Variants in LRP1-AS observed in about 807,000 individuals in gnomAD.
LRP1-AS encodes the protein LRP1 antisense RNA.
chr12:57,145,648 G>T (rs2035390516), intron 1 of LRP1-AS, among the ~76,000 whole-genome samples: 1 of 152,158 alleles, frequency 6.6e-6, no homozygotes, highest in Non-Finnish European at 1.5e-5. Context: ...TGAGGCAGGG[G>T]CAGAGCCACC....
chr12:57,147,173 G>T (rs75505823), intron 1 of LRP1-AS, among the ~76,000 whole-genome samples: 6,169 of 151,752 alleles, frequency 0.041, 178 homozygotes, highest in Non-Finnish European at 0.061. Flanking sequence ...AAATGCTTGT[G>T]GGGTAAATGA....
exon 2 of LRP1-AS, chr12:57,144,921 G>T: frequency 6.3e-7 from 1 of 1,583,610 alleles, no homozygotes. Context: ...CACCCACTTC[G>T]TTGCCCTTGT....
chr12:57,147,224 C>A (rs1431127048), intron 1 of LRP1-AS, among the ~76,000 whole-genome samples: 1 of 152,114 alleles, frequency 6.6e-6, no homozygotes, highest in Non-Finnish European at 1.5e-5. Flanking sequence ...TTCCTCCCTG[C>A]CCTCCCCCTG....
At chr12:57,144,851 T>G (rs1358212051) in exon 2 of LRP1-AS, 6 of 980,046 alleles carry the variant, frequency 6.1e-6, no homozygotes, top group Non-Finnish European at 4.8e-6. Flanking sequence ...TGTAATAGAT[T>G]CTGCCGAACT....
intron 1 of LRP1-AS, among the ~76,000 whole-genome samples, chr12:57,145,925 A>C (rs2035396750): frequency 6.6e-6 from 1 of 152,136 alleles, no homozygotes; most frequent in Non-Finnish European, 1.5e-5. Flanking sequence ...TCCATGGGCC[A>C]TCGTTTCCCT....
intron 1 of LRP1-AS, chr12:57,145,507 C>A: frequency 6.2e-7 from 1 of 1,610,168 alleles, no homozygotes; most frequent in Non-Finnish European, 8.5e-7. Context: ...CACCTGCTCT[C>A]AGCTTGGAGG....
At chr12:57,145,955 A>G (rs921474110) in intron 1 of LRP1-AS, among the ~76,000 whole-genome samples, 1 of 150,290 alleles carries the variant, frequency 6.7e-6, no homozygotes, top group African/African-American at 2.5e-5. Context: ...TTGCCAATGG[A>G]CTCTCTGCTG....
chr12:57,145,434 C>G (rs948055550), intron 1 of LRP1-AS: 1 of 1,614,026 alleles, frequency 6.2e-7, no homozygotes, highest in African/African-American at 1.3e-5. Context: ...GCCCGCATGC[C>G]TGGCCTAAAG....
At chr12:57,145,091 G>T in intron 1 of LRP1-AS, 1 of 1,613,846 alleles carries the variant, frequency 6.2e-7, no homozygotes, top group Non-Finnish European at 8.5e-7. Flanking sequence ...CTCCTGCAAG[G>T]CCAAGAACGG....
rs914439777 is a variant in LRP1-AS, at chr12:57,144,774, C to T, written n.491G>A. 5.2e-5 allele frequency: 32 copies of T among 613,490 alleles called. No homozygotes were observed. The Admixed American group carries it at 6.0e-4, about 12-fold the overall frequency. 38.0% of individuals were successfully genotyped at this position (613,490 alleles called of 1,614,324 possible). ...CCTGCGTGGATGAGTGATATGTACA[C>T]GAGTGTTTCTCTAGAGTGGATTCCA... On this transcript the variant is annotated non_coding_transcript_exon_variant, in exon 2 of 2. Transcript: ENST00000555461.
chr12:57,145,513 G>A, intron 1 of LRP1-AS: 1 of 1,607,556 alleles, frequency 6.2e-7, no homozygotes, highest in Middle Eastern at 1.7e-4. Flanking sequence ...CTCTCAGCTT[G>A]GAGGGCTGGG....
At chr12:57,144,632 C>T (rs2035361662) in exon 2 of LRP1-AS, 1 of 283,684 alleles carries the variant, frequency 3.5e-6, no homozygotes, top group East Asian at 7.3e-5. Flanking sequence ...ATTATAGTAA[C>T]TATATTTCAT....
At chr12:57,145,138 C>T (rs1403549081) in intron 1 of LRP1-AS, 1 of 1,613,610 alleles carries the variant, frequency 6.2e-7, no homozygotes, top group African/African-American at 1.3e-5. Flanking sequence ...GCTAACTAAG[C>T]CCCCTCAATG....
At chr12:57,145,420 G>A in intron 1 of LRP1-AS, 3 of 1,614,200 alleles carry the variant, frequency 1.9e-6, no homozygotes, top group Admixed American at 1.7e-5. Context: ...CGCAGCTCAA[G>A]TGTGCCCGCA....
At chr12:57,144,878 G>C in exon 2 of LRP1-AS, 3 of 1,263,698 alleles carry the variant, frequency 2.4e-6, no homozygotes, top group Non-Finnish European at 3.4e-6. Context: ...CAAGGTAGCT[G>C]TAAGGATGGA....
chr12:57,146,129 G>A (rs947620459), intron 1 of LRP1-AS, among the ~76,000 whole-genome samples: 5 of 152,250 alleles, frequency 3.3e-5, no homozygotes, highest in South Asian at 4.1e-4. Context: ...TGGAAGAAGG[G>A]GTGTCACAGA....
chr12:57,145,240 G>A (rs745365515), intron 1 of LRP1-AS: 1 of 1,614,066 alleles, frequency 6.2e-7, no homozygotes, highest in Non-Finnish European at 8.5e-7. Context: ...CAGTAGACCG[G>A]CCCCCTGTGC....
chr12:57,146,477 C>T (rs1203854382), intron 1 of LRP1-AS: 2 of 152,164 alleles, frequency 1.3e-5, no homozygotes, highest in East Asian at 1.9e-4. Flanking sequence ...GGATTGTGAA[C>T]CTTGGGCCTC....
At chr12:57,145,831 G>A (rs1281267373) in intron 1 of LRP1-AS, among the ~76,000 whole-genome samples, 2 of 152,128 alleles carry the variant, frequency 1.3e-5, no homozygotes, top group Non-Finnish European at 2.9e-5. Flanking sequence ...GGGAGCCAAG[G>A]CTAGGGAAAG....
Sources: allele counts gnomAD v4.1 joint callset (sites outside exome capture counted in the v4.1 genomes callset), GRCh38; gene constraint gnomAD v4.1.1; transcripts MANE v1.5; gene names NCBI Gene and HGNC (gene_info 2026-07-23, HGNC 2026-07-21).